TRPS1: variants seen among roughly 807,000 people sequenced by gnomAD.
TRPS1 encodes the protein transcriptional repressor GATA binding 1, also known as zinc finger transcription factor Trps1.
TRPS1 carries 6 observed loss-of-function variants against 101.2 expected under a neutral mutation model. That is an observed-to-expected ratio of 0.06 (90% CI 0.03 to 0.12). The LOEUF (loss-of-function observed/expected upper bound fraction) is 0.12, where lower values mean the gene tolerates loss of function less well. Among genes scored for constraint, TRPS1 ranks in the 10% least tolerant of loss-of-function variants. The pLI is 1.00. For synonymous variants in TRPS1, 578 were observed against 589.8 expected, an observed-to-expected ratio of 0.98 and a Z score of 0.29; for missense variants, 1,363 against 1,567.0, an observed-to-expected ratio of 0.87 and a Z score of 2.20.
At chr8:115,476,407 T>C (rs898574673) in intron 5 of TRPS1, among the ~76,000 whole-genome samples, 4 of 152,198 alleles carry the variant, frequency 2.6e-5, no homozygotes, top group Non-Finnish European at 5.9e-5. Context: ...AAGCAATTGT[T>C]GGTAATATTG....
At position 115,571,294 on chromosome 8, in the gene TRPS1, T is replaced by A. The variant is rs1181724587; in HGVS notation, c.2700+15707A>T. Among the ~76,000 whole-genome samples, 10 of 152,152 alleles carry A rather than the reference T, an allele frequency of 6.6e-5. No individual in the cohort carries two copies. In the East Asian group the frequency reaches 1.7e-3, roughly 26 times the overall value. Reference sequence around the variant, plus strand: ...AAAAGAACTACCATAAATTCTGTGATCATCACACAACGAAGTGTGGCTGAT... The same window carrying A: ...AAAAGAACTACCATAAATTCTGTGAACATCACACAACGAAGTGTGGCTGAT... On this transcript the variant is annotated intron_variant, in intron 5 of 6. Coordinates refer to ENST00000395715, the MANE Select transcript of TRPS1 (RefSeq NM_014112.5).
intron 5 of TRPS1, among the ~76,000 whole-genome samples, chr8:115,490,325 T>A (rs1814990582): frequency 6.6e-6 from 1 of 152,114 alleles, no homozygotes; most frequent in South Asian, 2.1e-4. Context: ...ACCTTTATTA[T>A]AAGGGGATAA....
At chr8:115,645,924 G>A (rs1819014479) in intron 1 of TRPS1, among the ~76,000 whole-genome samples, 1 of 152,206 alleles carries the variant, frequency 6.6e-6, no homozygotes, top group African/African-American at 2.4e-5. Context: ...ATGACACTGA[G>A]CTAGCCTTTT....
intron 1 of TRPS1, among the ~76,000 whole-genome samples, chr8:115,642,306 T>A (rs1818919362): frequency 1.7e-4 from 1 of 6,002 alleles, no homozygotes; most frequent in Non-Finnish European, 2.7e-4. Flanking sequence ...TAGTCATATA[T>A]CCGATATGAA....
At chr8:115,520,884 T>A (rs1004729007) in intron 5 of TRPS1, among the ~76,000 whole-genome samples, 1 of 151,888 alleles carries the variant, frequency 6.6e-6, no homozygotes, top group African/African-American at 2.4e-5. Context: ...CTATTTTCCT[T>A]ATTAATGAGT....
chr8:115,523,440 C>A (rs2130237174), intron 5 of TRPS1, among the ~76,000 whole-genome samples: 1 of 152,094 alleles, frequency 6.6e-6, no homozygotes, highest in Admixed American at 6.6e-5. Context: ...ATCTGGAAAG[C>A]AATTCCATTA....
intron 5 of TRPS1, among the ~76,000 whole-genome samples, chr8:115,577,354 T>C (rs997817407): frequency 3.3e-5 from 5 of 152,188 alleles, no homozygotes; most frequent in Non-Finnish European, 5.9e-5. Flanking sequence ...TATAAATGTA[T>C]GGTTAAGAGT....
chr8:115,561,889 T>G (rs1816954248), intron 5 of TRPS1, among the ~76,000 whole-genome samples: 1 of 151,628 alleles, frequency 6.6e-6, no homozygotes, highest in Non-Finnish European at 1.5e-5. Flanking sequence ...ATTACCAATA[T>G]GAACTGAGCT....
chr8:115,637,168 G>T, intron 1 of TRPS1: 1 of 838,078 alleles, frequency 1.2e-6, no homozygotes, highest in Non-Finnish European at 1.4e-6. Context: ...GAAACAAACG[G>T]TTGCTAACAA....
At chr8:115,465,342 A>G (rs1283073681) in intron 5 of TRPS1, among the ~76,000 whole-genome samples, 4 of 152,196 alleles carry the variant, frequency 2.6e-5, no homozygotes, top group African/African-American at 4.8e-5. Flanking sequence ...TAAACATATT[A>G]TTACAATTTT....
chr8:115,440,099 G>A (rs1211496182), intron 5 of TRPS1, among the ~76,000 whole-genome samples: 1 of 152,170 alleles, frequency 6.6e-6, no homozygotes, highest in Non-Finnish European at 1.5e-5. Context: ...GAAAGCAAAC[G>A]CTAGCTTGGG....
chr8:115,585,912 T>C (rs1361996921), intron 5 of TRPS1, among the ~76,000 whole-genome samples: 1 of 152,160 alleles, frequency 6.6e-6, no homozygotes, highest in Non-Finnish European at 1.5e-5. Flanking sequence ...TCAACTCCGC[T>C]AGAGAATACT....
intron 5 of TRPS1, among the ~76,000 whole-genome samples, chr8:115,496,520 T>C (rs1586332554): frequency 6.6e-6 from 1 of 152,188 alleles, no homozygotes; most frequent in Admixed American, 6.5e-5. Context: ...GAATATCCTA[T>C]AACGAGTTTG....
intron 5 of TRPS1, among the ~76,000 whole-genome samples, chr8:115,533,434 C>CTTTTTTTTTTTTTT (rs1427634638): frequency 3.4e-4 from 11 of 32,330 alleles, no homozygotes; most frequent in Non-Finnish European, 5.4e-4. Flanking sequence ...CACATGTAAT[C>CTTTTTTTTTTTTTT]TGTTTTTTTT....
At chr8:115,467,461 T>G (rs1400879128) in intron 5 of TRPS1, among the ~76,000 whole-genome samples, 2 of 152,146 alleles carry the variant, frequency 1.3e-5, no homozygotes, top group African/African-American at 4.8e-5. Flanking sequence ...GTATCTCTAT[T>G]TTGCCTTTTG....
intron 4 of TRPS1, among the ~76,000 whole-genome samples, chr8:115,591,009 T>A (rs1305807345): frequency 6.6e-6 from 1 of 152,142 alleles, no homozygotes; most frequent in African/African-American, 2.4e-5. Context: ...TAGAAGATCC[T>A]TTGCTTTAGG....
chr8:115,548,242 T>C (rs564572370), intron 5 of TRPS1, among the ~76,000 whole-genome samples: 1 of 152,018 alleles, frequency 6.6e-6, no homozygotes, highest in African/African-American at 2.4e-5. Context: ...AATACATATA[T>C]ATAAATAATC....
chr8:115,504,811 C>G (rs1218117029), intron 5 of TRPS1, among the ~76,000 whole-genome samples: 1 of 152,072 alleles, frequency 6.6e-6, no homozygotes, highest in Non-Finnish European at 1.5e-5. Flanking sequence ...CTGTAACTAG[C>G]TAGTTAAAAT....
chr8:115,595,110 T>A (rs1817758520), intron 4 of TRPS1, among the ~76,000 whole-genome samples: 1 of 151,982 alleles, frequency 6.6e-6, no homozygotes, highest in South Asian at 2.1e-4. Context: ...TTTTTTTTGG[T>A]TATTACAGAA....
Sources: gnomAD v4.1 joint callset for allele counts (sites outside exome capture counted in the v4.1 genomes callset) on GRCh38, gnomAD v4.1.1 for gene constraint, MANE v1.5 for transcripts, NCBI Gene and HGNC (gene_info 2026-07-23, HGNC 2026-07-21) for gene names.